Variants in CUL4A observed in about 807,000 individuals in gnomAD.
The protein encoded by CUL4A is cullin 4A.
A neutral mutation model predicts 95.5 loss-of-function variants in CUL4A; 16 were observed. The observed-to-expected ratio is 0.17, with a 90% CI of 0.11 to 0.25. The LOEUF (loss-of-function observed/expected upper bound fraction) is 0.25, where lower values mean the gene tolerates loss of function less well. Among genes scored for constraint, CUL4A ranks in the 10% least tolerant of loss-of-function variants. The pLI, the probability that CUL4A is intolerant of heterozygous loss-of-function variation, is 1.00. For missense variants in CUL4A, 610 were observed against 937.0 expected (o/e 0.65, Z 4.56); for synonymous variants, 380 against 353.1 (o/e 1.08, Z -0.85).
intron 15 of CUL4A, among the ~76,000 whole-genome samples, chr13:113,248,768 A>G (rs1251495482): frequency 6.6e-6 from 1 of 152,228 alleles, no homozygotes; most frequent in African/African-American, 2.4e-5. Context: ...TACCTAACAA[A>G]TGCTGTGTAA....
At position 113,233,273 on chromosome 13, in the gene CUL4A, G is replaced by A. The variant is rs375222364; in HGVS notation, c.609G>A (p.Glu203=). 51 of 1,613,862 alleles carry A rather than the reference G, an allele frequency of 3.2e-5. No individual in the cohort carries two copies. Among genetic ancestry groups the A allele is most frequent in the Non-Finnish European group, 4.2e-5 (49 of 1,180,012 alleles). Residue 203 remains glutamate (E), a synonymous_variant, in exon 6 of 20, where the codon GAG becomes GAA. Transcript: ENST00000375440. ...IDGILLLIER[E]RSGEAVDRSL... ...GAATCCTACTGCTGATCGAGCGCGA[G>A]AGGAGCGGCGAGGCCGTGGACCGGA...
chr13:113,246,556 A>G (rs2041862939), intron 15 of CUL4A, among the ~76,000 whole-genome samples: 1 of 152,220 alleles, frequency 6.6e-6, no homozygotes, highest in South Asian at 2.1e-4. Flanking sequence ...GGCGAAGGGA[A>G]AGGGCTGAGA....
intron 5 of CUL4A, among the ~76,000 whole-genome samples, chr13:113,230,479 A>C (rs190434759): frequency 1.3e-4 from 20 of 152,110 alleles, no homozygotes; most frequent in Non-Finnish European, 2.6e-4. Flanking sequence ...GGAACTCCCA[A>C]ACATCTCCTA....
At chr13:113,253,281 AAGG>A (rs1334036645) in intron 16 of CUL4A, 86 bp downstream of exon 16, 10 of 592,828 alleles carry the variant, frequency 1.7e-5, no homozygotes, top group Non-Finnish European at 2.4e-5. Flanking sequence ...AGTAGCAAAA[AAGG>A]AGTGTTTCAC....
Position 113,209,907 on chromosome 13 carries a change from CGGGGGTG to C in CUL4A, c.149-64_149-58del, listed in dbSNP as rs2040302801. 2.7e-5 allele frequency: 36 copies of C among 1,311,566 alleles called. No individual in the cohort carries two copies. The South Asian group carries it at 6.2e-4, about 23-fold the overall frequency. 81.2% of individuals were successfully genotyped at this position (1,311,566 alleles called of 1,614,324 possible). The stretch of plus-strand genomic sequence containing the variant: ...GGGGGCGCCGGGGCGCCGGCCGGGT[CGGGGGTG>C]GCTACGCGGGGCGCTTCGCGGCGCG... On this transcript the variant is annotated intron_variant, in intron 1 of 19. Coordinates refer to ENST00000375440, the MANE Select transcript of CUL4A (RefSeq NM_001008895.4).
chr13:113,221,724 C>T (rs1322418283), intron 3 of CUL4A, among the ~76,000 whole-genome samples: 1 of 151,888 alleles, frequency 6.6e-6, no homozygotes, highest in African/African-American at 2.4e-5. Flanking sequence ...ATTACAGGCG[C>T]CCACCACCAT....
chr13:113,230,837 CAT>C (rs1307151510), intron 5 of CUL4A, among the ~76,000 whole-genome samples: 1 of 152,120 alleles, frequency 6.6e-6, no homozygotes, highest in Non-Finnish European at 1.5e-5. Context: ...GTGGCACAAT[CAT>C]AACTCACTGC....
intron 9 of CUL4A, 24 bp downstream of exon 9, chr13:113,236,914 A>G (rs762256582): frequency 4.0e-6 from 6 of 1,514,882 alleles, no homozygotes; most frequent in Non-Finnish European, 3.7e-6. Flanking sequence ...CTCTTGTGCA[A>G]ATTAAACTGA....
intron 15 of CUL4A, among the ~76,000 whole-genome samples, chr13:113,250,997 C>T (rs761425675): frequency 5.9e-5 from 9 of 152,032 alleles, no homozygotes; most frequent in Non-Finnish European, 1.2e-4. Flanking sequence ...TCTGACAGGG[C>T]ACAGCTTAGA....
intron 2 of CUL4A, among the ~76,000 whole-genome samples, chr13:113,212,998 A>G (rs2040507035): frequency 1.3e-5 from 2 of 152,148 alleles, no homozygotes; most frequent in South Asian, 2.1e-4. Flanking sequence ...TTCCATGTGA[A>G]TTTTAGAATC....
At chr13:113,211,435 A>AGTGGCCCAGGCTGGT (rs2040441113) in intron 2 of CUL4A, among the ~76,000 whole-genome samples, 1 of 152,228 alleles carries the variant, frequency 6.6e-6, no homozygotes, top group Non-Finnish European at 1.5e-5. Flanking sequence ...CCCAGGCTGG[A>AGTGGCCCAGGCTGGT]GTGCCATGGC....
At chr13:113,256,197 C>T (rs1370943545) in intron 18 of CUL4A, among the ~76,000 whole-genome samples, 2 of 152,148 alleles carry the variant, frequency 1.3e-5, no homozygotes, top group African/African-American at 2.4e-5. Context: ...ACATATGGCA[C>T]CTGTCAGGGC....
intron 3 of CUL4A, among the ~76,000 whole-genome samples, chr13:113,221,855 C>T (rs1332408934): frequency 2.6e-5 from 4 of 152,196 alleles, no homozygotes; most frequent in Non-Finnish European, 5.9e-5. Context: ...GGATTACAGG[C>T]GTGAGCCACC....
Position 113,244,974 on chromosome 13 carries a change from T to TA in CUL4A, c.1365dup (p.Asp456ArgfsTer17), listed in dbSNP as rs1413366906. On this transcript the variant is annotated frameshift_variant, in exon 13 of 20. Coordinates refer to ENST00000375440, the MANE Select transcript of CUL4A (RefSeq NM_001008895.4). LOFTEE classifies it high-confidence loss of function. ...GTAAAGATGTCTTTGAAGCATTTTA[T>TA]AAAAAAGATTTGGCAAAAAGACTCC... The TA allele has an allele frequency of 6.2e-7, 1 of 1,613,018 alleles. No individual in the cohort carries two copies. Among genetic ancestry groups the TA allele is most frequent in the Non-Finnish European group, 8.5e-7 (1 of 1,178,948 alleles).
At chr13:113,228,583 A>C (rs1193341285) in intron 4 of CUL4A, among the ~76,000 whole-genome samples, 2 of 151,932 alleles carry the variant, frequency 1.3e-5, no homozygotes, top group Non-Finnish European at 2.9e-5. Flanking sequence ...CAGCTGCTAG[A>C]GCTCGCTGAG....
intron 14 of CUL4A, 131 bp downstream of exon 14, chr13:113,245,368 C>G (rs956695271): frequency 2.4e-5 from 19 of 788,998 alleles, no homozygotes; most frequent in Non-Finnish European, 4.0e-5. Context: ...TCAAAACTAC[C>G]CTGATCAACA....
chr13:113,224,263 G>A (rs1355464574), intron 3 of CUL4A, among the ~76,000 whole-genome samples: 1 of 151,976 alleles, frequency 6.6e-6, no homozygotes, highest in Non-Finnish European at 1.5e-5. Flanking sequence ...TGAGGCAGGA[G>A]AATGGCATGA....
intron 18 of CUL4A, among the ~76,000 whole-genome samples, chr13:113,259,774 A>G (rs906736799): frequency 2.8e-4 from 42 of 152,220 alleles, no homozygotes; most frequent in Admixed American, 5.2e-4. Context: ...CTTTCTTATA[A>G]GGAAAATAAC....
chr13:113,210,190 G>C (rs1466644466), intron 2 of CUL4A, 102 bp downstream of exon 2: 2 of 723,776 alleles, frequency 2.8e-6, no homozygotes, highest in African/African-American at 1.9e-5. Context: ...GCCGGGGAGC[G>C]GAAAGGCAGG....
Sources: allele counts gnomAD v4.1 joint callset (sites outside exome capture counted in the v4.1 genomes callset), GRCh38; gene constraint gnomAD v4.1.1; transcripts MANE v1.5; gene names NCBI Gene and HGNC (gene_info 2026-07-23, HGNC 2026-07-21).